AADACL2: variants seen among roughly 807,000 people sequenced by gnomAD.
AADACL2 encodes arylacetamide deacetylase-like 2.
A neutral mutation model predicts 22.3 loss-of-function variants in AADACL2; 23 were observed. That is an observed-to-expected ratio of 1.03 (90% CI 0.74 to 1.46). The LOEUF is 1.46. Ranked by LOEUF, AADACL2 falls within the 40% of genes most tolerant of loss-of-function variation. AADACL2 has a pLI of 0.00. For missense variants in AADACL2, 472 were observed against 482.9 expected (o/e 0.98, Z 0.21); for synonymous variants, 177 against 166.2 (o/e 1.07, Z -0.50).
chr3:151,741,390 C>T (rs192359608), intron 2 of AADACL2, among the ~76,000 whole-genome samples: 5 of 152,034 alleles, frequency 3.3e-5, no homozygotes, highest in Non-Finnish European at 4.4e-5. Flanking sequence ...CATAAAATCT[C>T]GGTTCCCTAC....
rs377681363 is a variant in AADACL2, at chr3:151,757,537, A to G, written c.1149A>G (p.Leu383=). ...ALSFMTSPFY[L]RLGLRIRDMY... ...CATTCATGACTTCACCATTTTATTT[A>G]CGTCTAGGTCTTAGGATAAGAGATA... Residue 383 remains leucine (L), a synonymous_variant, in exon 5 of 5, where the codon TTA becomes TTG. Transcript: ENST00000356517. 2.5e-6 allele frequency: 4 copies of G among 1,613,262 alleles called. No homozygotes were observed. In the African/African-American group the frequency reaches 5.3e-5, roughly 22 times the overall value.
chr3:151,735,364 C>G (rs1713054382), intron 1 of AADACL2, among the ~76,000 whole-genome samples: 1 of 152,200 alleles, frequency 6.6e-6, no homozygotes, highest in African/African-American at 2.4e-5. Flanking sequence ...CAATGTCTAT[C>G]AGCTAGTAAG....
chr3:151,743,490 T>G (rs16863597), intron 2 of AADACL2, among the ~76,000 whole-genome samples: 1 of 152,120 alleles, frequency 6.6e-6, no homozygotes, highest in African/African-American at 2.4e-5. Flanking sequence ...TCAAAACTCA[T>G]ATGTATATCA....
Position 151,757,112 on chromosome 3 carries a change from A to G in AADACL2, c.724A>G (p.Thr242Ala). 2 of 1,613,344 alleles carry G rather than the reference A, an allele frequency of 1.2e-6. No homozygotes were observed. The highest frequency in any genetic ancestry group is 1.7e-6 in the Non-Finnish European group (2 of 1,179,618). The change falls in exon 5 of 5, where the codon ACC (threonine) becomes GCC (alanine). Residue 242 changes from threonine to alanine, a missense_variant. By Grantham distance (58) the Thr-to-Ala change is moderately conservative. Around this residue, in one of 3 missense-constraint regions of AADACL2, gnomAD observed 356 missense variants for 365.5 expected, o/e 0.97. Transcript: ENST00000356517. The part of the protein sequence containing the change: ...HRENEHGIVL[T>A]RDVAIKLVSL... ...AGAAAATGAGCATGGTATAGTTTTG[A>G]CCAGGGATGTAGCCATAAAACTCGT...
chr3:151,734,091 T>G lies in AADACL2; in HGVS notation c.56T>G (p.Phe19Cys). ...GLLCVLFVSHFYTPMPDNIEE... is the reference protein window; with the variant it reads ...GLLCVLFVSHCYTPMPDNIEE... ...CTTTGTGTTCTTTTTGTCTCTCATTTTTACACACCCATGCCAGACAACATT... is the reference window on the plus strand; with the variant it reads ...CTTTGTGTTCTTTTTGTCTCTCATTGTTACACACCCATGCCAGACAACATT... Residue 19 changes from phenylalanine to cysteine, a missense_variant, in exon 1 of 5, where the codon TTT becomes TGT. Phe to Cys is a radical substitution (Grantham distance 205). Coordinates refer to ENST00000356517, the MANE Select transcript of AADACL2 (RefSeq NM_207365.4). The G allele has an allele frequency of 6.2e-7, 1 of 1,613,630 alleles. No homozygotes were observed. Among genetic ancestry groups the G allele is most frequent in the South Asian group, 1.1e-5 (1 of 91,042 alleles).
chr3:151,747,026 C>T (rs1429012595), intron 4 of AADACL2, among the ~76,000 whole-genome samples: 1 of 151,888 alleles, frequency 6.6e-6, no homozygotes, highest in Non-Finnish European at 1.5e-5. Flanking sequence ...AGAAAAATTA[C>T]ACTAGCCTCA....
At chr3:151,739,575 C>T (rs973825342) in intron 1 of AADACL2, among the ~76,000 whole-genome samples, 9 of 152,306 alleles carry the variant, frequency 5.9e-5, no homozygotes, top group Admixed American at 3.3e-4. Context: ...TCAGAGCCAG[C>T]AGGCAGGAAA....
chr3:151,753,465 G>A (rs1294643432), intron 4 of AADACL2, among the ~76,000 whole-genome samples: 1 of 152,122 alleles, frequency 6.6e-6, no homozygotes, highest in Non-Finnish European at 1.5e-5. Context: ...TGCGTGCTAG[G>A]ATGAGGCCAA....
intron 2 of AADACL2, among the ~76,000 whole-genome samples, chr3:151,742,131 T>C (rs186772651): frequency 2.5e-3 from 384 of 152,236 alleles, no homozygotes; most frequent in Middle Eastern, 0.01. Context: ...TTCTTTCTTT[T>C]CCCCCTAGGC....
In AADACL2 at chr3:151,744,024, C is replaced by T. The variant is rs1713359304; in HGVS notation, c.362-69C>T. 5 of 1,490,270 alleles carry T rather than the reference C, an allele frequency of 3.4e-6. No individual in the cohort carries two copies. In the Admixed American group the frequency reaches 8.5e-5, roughly 25 times the overall value. 92.3% of individuals were successfully genotyped at this position (1,490,270 alleles called of 1,614,324 possible). On this transcript the variant is annotated intron_variant, in intron 2 of 4. Transcript: ENST00000356517. The stretch of plus-strand genomic sequence containing the variant: ...CACAAACCACAGTTATTTCCACATT[C>T]ATATCTGTAACTGTTTCTATAGCTT...
chr3:151,757,387 C>A lies in AADACL2; in HGVS notation c.999C>A (p.Thr333=). Residue 333 remains threonine, a synonymous_variant, in exon 5 of 5, where the codon ACC becomes ACA. Coordinates refer to ENST00000356517, the MANE Select transcript of AADACL2 (RefSeq NM_207365.4). The part of the protein sequence containing the change: ...NDSQLQNLPL[T]YILTCQHDLL... ...CTCAGTTACAGAATTTGCCACTAAC[C>A]TATATTCTTACTTGTCAACATGATC... is the stretch of plus-strand genomic sequence containing the variant. 4 of 1,613,732 alleles carry A rather than the reference C, an allele frequency of 2.5e-6. No homozygotes were observed. The East Asian group carries it at 8.9e-5, about 36-fold the overall frequency.
chr3:151,749,484 C>CT (rs1038929559), intron 4 of AADACL2, among the ~76,000 whole-genome samples: 19 of 151,378 alleles, frequency 1.3e-4, no homozygotes, highest in Admixed American at 2.6e-4. Flanking sequence ...TGAAAATAGA[C>CT]TTTTTTTTTG....
chr3:151,741,742 G>A (rs1713284089), intron 2 of AADACL2, among the ~76,000 whole-genome samples: 1 of 152,106 alleles, frequency 6.6e-6, no homozygotes, highest in South Asian at 2.1e-4. Context: ...ATATCCAAGT[G>A]TTCATATACA....
intron 4 of AADACL2, among the ~76,000 whole-genome samples, chr3:151,751,291 G>A (rs1713659408): frequency 6.6e-6 from 1 of 152,166 alleles, no homozygotes; most frequent in African/African-American, 2.4e-5. Flanking sequence ...GGGGAATGTA[G>A]AGATTCTGAA....
rs201287466 is a variant in AADACL2, at chr3:151,757,451, C to T, written c.1063C>T (p.Arg355Ter). Residue 355 changes from arginine (R) to a stop codon, truncating the protein, a stop_gained, in exon 5 of 5, where the codon CGA becomes TGA. Coordinates refer to ENST00000356517, the MANE Select transcript of AADACL2 (RefSeq NM_207365.4). LOFTEE classifies it low-confidence loss of function (END_TRUNC). ...TGGACTTATGTATGTTACAAGACTT[C>T]GAAATGTTGGAGTCCAAGTTGTTCA... ...DDGLMYVTRL[R>*]NVGVQVVHEH... 9.3e-6 allele frequency: 15 copies of T among 1,613,502 alleles called. No homozygotes were observed. Among genetic ancestry groups the T allele is most frequent in the Admixed American group, 5.0e-5 (3 of 59,998 alleles).
At position 151,754,860 on chromosome 3, in the gene AADACL2, A is replaced by T. The variant is rs188428148; in HGVS notation, c.604-2132A>T. On this transcript the variant is annotated intron_variant, in intron 4 of 4. Transcript: ENST00000356517. ...GTCACATTTTTTTGCACTCAAGTAC[A>T]TATCAGTTACCCACAAAATCAGAAA... 3.3e-5 allele frequency among the ~76,000 whole-genome samples: 5 copies of T among 152,256 alleles called. No homozygotes were observed. In the South Asian group the frequency reaches 1.0e-3, roughly 32 times the overall value.
At chr3:151,751,040 TC>T (rs1713647314) in intron 4 of AADACL2, among the ~76,000 whole-genome samples, 1 of 152,166 alleles carries the variant, frequency 6.6e-6, no homozygotes, top group Non-Finnish European at 1.5e-5. Context: ...AAAGAGGACT[TC>T]ATTGCCAAGA....
intron 4 of AADACL2, among the ~76,000 whole-genome samples, chr3:151,756,677 T>C (rs1164232096): frequency 1.3e-5 from 2 of 151,974 alleles, no homozygotes; most frequent in African/African-American, 4.8e-5. Context: ...CATTTTCATT[T>C]GTGATTTTTG....
intron 3 of AADACL2, among the ~76,000 whole-genome samples, chr3:151,744,550 A>G (rs1010825244): frequency 4.6e-5 from 7 of 152,168 alleles, no homozygotes; most frequent in Admixed American, 2.0e-4. Context: ...GAAGTAATCT[A>G]AATACTATTT....
Sources: gnomAD v4.1 joint callset for allele counts (sites outside exome capture counted in the v4.1 genomes callset) on GRCh38, gnomAD v4.1.1 for gene constraint, gnomAD v4.1.1 regional missense constraint, MANE v1.5 for transcripts, NCBI Gene and HGNC (gene_info 2026-07-23, HGNC 2026-07-21) for gene names.